Variants in SEPTIN9 observed in about 807,000 individuals in gnomAD.
SEPTIN9 encodes septin 9, also known as septin-9.
In SEPTIN9, 13 loss-of-function variants were observed where a neutral mutation model predicts 56.6. The ratio of observed to expected loss-of-function variants is 0.23; its 90% CI spans 0.15 to 0.37. SEPTIN9 has a LOEUF of 0.37. SEPTIN9 is among the 10% of genes least tolerant of loss of function. The pLI, the probability that SEPTIN9 is intolerant of heterozygous loss-of-function variation, is 1.00. For missense variants in SEPTIN9, 650 were observed against 823.1 expected, an observed-to-expected ratio of 0.79 and a Z score of 2.57; for synonymous variants, 332 against 334.1, an observed-to-expected ratio of 0.99 and a Z score of 0.07.
At chr17:77,407,011 A>C (rs1360465396) in intron 3 of SEPTIN9, among the ~76,000 whole-genome samples, 1 of 151,636 alleles carries the variant, frequency 6.6e-6, no homozygotes, top group Non-Finnish European at 1.5e-5. Flanking sequence ...GGCCAGGTGC[A>C]GTGGCTCATG....
rs1027565294 is a variant in SEPTIN9 at position 77,499,316 on chromosome 17, G to A, written c.*658G>A. 2 of 596,626 alleles carry A rather than the reference G, an allele frequency of 3.4e-6. No homozygotes were observed. The highest frequency in any genetic ancestry group is 3.2e-6 in the Non-Finnish European group (1 of 308,578). 37.0% of individuals were successfully genotyped at this position (596,626 alleles called of 1,614,324 possible). ...TATCTCAGCCATCCGCAGACTGCTT[G>A]GCCAGATGCGGGGACAGGCTGGAAT... is the stretch of plus-strand genomic sequence containing the variant. On this transcript the variant is annotated 3_prime_UTR_variant, in exon 12 of 12. Coordinates refer to ENST00000427177, the MANE Select transcript of SEPTIN9 (RefSeq NM_001113491.2).
intron 2 of SEPTIN9, among the ~76,000 whole-genome samples, chr17:77,321,231 G>A (rs963135474): frequency 2.6e-5 from 4 of 152,126 alleles, no homozygotes; most frequent in Non-Finnish European, 5.9e-5. Context: ...GCCATGGAGC[G>A]GGAGGTCGCT....
chr17:77,383,185 T>TCC (rs2035209136), intron 2 of SEPTIN9, among the ~76,000 whole-genome samples: 1 of 9,588 alleles, frequency 1.0e-4, no homozygotes, highest in Non-Finnish European at 5.0e-4. Context: ...TCCCTCCTTC[T>TCC]CTCCCTCCCT....
At chr17:77,302,217 C>T (rs1235676991) in intron 1 of SEPTIN9, among the ~76,000 whole-genome samples, 2 of 152,190 alleles carry the variant, frequency 1.3e-5, no homozygotes, top group Non-Finnish European at 2.9e-5. Context: ...CCTGTAATCC[C>T]AGCGTGAGGC....
At chr17:77,304,330 T>C (rs765970183) in intron 1 of SEPTIN9, among the ~76,000 whole-genome samples, 1 of 152,206 alleles carries the variant, frequency 6.6e-6, no homozygotes, top group Non-Finnish European at 1.5e-5. Context: ...ATGCCCATTT[T>C]AGGAAATCAG....
Position 77,466,850 on chromosome 17 carries a change from G to A in SEPTIN9, c.722-15294G>A, listed in dbSNP as rs375384041. ...AGATGCGATCGAGTAAATGTGAGCC[G>A]TCTGTAAACTGTAGAGTGCACGCAC... On this transcript the variant is annotated intron_variant, in intron 3 of 11. Transcript: ENST00000427177. 5.3e-5 allele frequency among the ~76,000 whole-genome samples: 8 copies of A among 152,288 alleles called. No homozygotes were observed. In the South Asian group the frequency reaches 6.2e-4, roughly 12 times the overall value.
In SEPTIN9 at chr17:77,499,617, G is replaced by T. The variant is rs911601031; in HGVS notation, c.*959G>T. 2 of 434,166 alleles carry T rather than the reference G, an allele frequency of 4.6e-6. No individual in the cohort carries two copies. The highest frequency in any genetic ancestry group is 7.0e-5 in the Admixed American group (2 of 28,510). The allele number at this position is 434,166 out of a possible 1,614,324, so 26.9% of individuals were successfully genotyped here. The stretch of plus-strand genomic sequence containing the variant: ...GTCAGAGTGGCGTGAGCTGCCCGGC[G>T]CCTGCCCTGCCCAAGTGACCAGGGA... On this transcript the variant is annotated 3_prime_UTR_variant, in exon 12 of 12. Coordinates refer to ENST00000427177, the MANE Select transcript of SEPTIN9 (RefSeq NM_001113491.2).
rs892024330 is a variant in SEPTIN9, at chr17:77,451,975, G to T, written c.722-30169G>T. Reference sequence around the variant, plus strand: ...CACCCCTCTGGGCTCCCGAAGACCGGCTGGCTGGAGGCTGGAGATAGTCTC... The same window carrying T: ...CACCCCTCTGGGCTCCCGAAGACCGTCTGGCTGGAGGCTGGAGATAGTCTC... On this transcript the variant is annotated intron_variant, in intron 3 of 11. Coordinates refer to ENST00000427177, the MANE Select transcript of SEPTIN9 (RefSeq NM_001113491.2). This position sits in a 1 kb window ranked among gnomAD's most constrained non-coding sequence, Gnocchi z 4.2. Among the ~76,000 whole-genome samples the T allele has an allele frequency of 1.3e-5, 2 of 152,212 alleles. No homozygotes were observed. The highest frequency in any genetic ancestry group is 4.8e-5 in the African/African-American group (2 of 41,446).
At chr17:77,397,909 G>T (rs938939920) in intron 2 of SEPTIN9, among the ~76,000 whole-genome samples, 2 of 152,076 alleles carry the variant, frequency 1.3e-5, no homozygotes, top group African/African-American at 2.4e-5. Flanking sequence ...CCTTGGGCCT[G>T]CCTTGGCCTC....
At position 77,445,569 on chromosome 17, in the gene SEPTIN9, C is replaced by T. The variant is rs1173306784; in HGVS notation, c.722-36575C>T. 1 of 378,886 alleles carries T rather than the reference C, an allele frequency of 2.6e-6. No individual in the cohort carries two copies. The highest frequency in any genetic ancestry group is 2.1e-5 in the African/African-American group (1 of 47,172). The allele number at this position is 378,886 out of a possible 1,614,324, so 23.5% of individuals were successfully genotyped here. On this transcript the variant is annotated intron_variant, in intron 3 of 11. Coordinates refer to ENST00000427177, the MANE Select transcript of SEPTIN9 (RefSeq NM_001113491.2). The surrounding 1 kb of genome is among the most constrained non-coding windows in gnomAD (Gnocchi z 4.7). ...GCGTGCTGGGTGGGTAGGGAGGAAGCTGTGAAACCACATCCCCTCCTCTCT... is the reference window on the plus strand; with the variant it reads ...GCGTGCTGGGTGGGTAGGGAGGAAGTTGTGAAACCACATCCCCTCCTCTCT...
At position 77,383,454 on chromosome 17, in the gene SEPTIN9, G is replaced by A. The variant is rs563597770; in HGVS notation, c.77-18605G>A. ...AGGCCGGCCCGGGTCCTCCCAGTCC[G>A]CACCTGCATCCATCCATCACTCCCC... On this transcript the variant is annotated intron_variant, in intron 2 of 11. Transcript: ENST00000427177. Among the ~76,000 whole-genome samples, 4 of 149,224 alleles carry A rather than the reference G, an allele frequency of 2.7e-5. No individual in the cohort carries two copies. In the East Asian group the frequency reaches 6.2e-4, roughly 23 times the overall value.
intron 3 of SEPTIN9, among the ~76,000 whole-genome samples, chr17:77,477,565 C>CTACTCCA (rs1377963264): frequency 6.6e-6 from 1 of 152,144 alleles, no homozygotes; most frequent in Non-Finnish European, 1.5e-5. Flanking sequence ...TTTCTGGAGC[C>CTACTCCA]GGGTGTGTTG....
At chr17:77,398,571 T>G (rs890212395) in intron 2 of SEPTIN9, among the ~76,000 whole-genome samples, 6 of 152,208 alleles carry the variant, frequency 3.9e-5, no homozygotes, top group Non-Finnish European at 4.4e-5. Flanking sequence ...TTCATTTAGG[T>G]GTCACCTTCT....
In SEPTIN9 at chr17:77,329,292, A is replaced by T. The variant is rs953106063; in HGVS notation, c.76+22095A>T. The stretch of plus-strand genomic sequence containing the variant: ...TTAGAGAGGAAGTTGGAGAGGGAGG[A>T]TCTCTTTGATTGCTGGATGGACCCA... On this transcript the variant is annotated intron_variant, in intron 2 of 11. Coordinates refer to ENST00000427177, the MANE Select transcript of SEPTIN9 (RefSeq NM_001113491.2). The surrounding 1 kb of genome is among the most constrained non-coding windows in gnomAD (Gnocchi z 4.3). Among the ~76,000 whole-genome samples the T allele has an allele frequency of 6.6e-6, 1 of 151,828 alleles. No homozygotes were observed. Among genetic ancestry groups the T allele is most frequent in the Admixed American group, 6.6e-5 (1 of 15,254 alleles).
Position 77,381,297 on chromosome 17 carries a change from C to G in SEPTIN9, c.77-20762C>G, listed in dbSNP as rs184519180. 5.4e-4 allele frequency among the ~76,000 whole-genome samples: 83 copies of G among 152,364 alleles called. 1 individual carries two copies. The highest frequency in any genetic ancestry group is 1.9e-3 in the African/African-American group (77 of 41,594). On this transcript the variant is annotated intron_variant, in intron 2 of 11. Coordinates refer to ENST00000427177, the MANE Select transcript of SEPTIN9 (RefSeq NM_001113491.2). ...TGGACAGAGCCACCTAGCCTCTCCC[C>G]TCCCCCAGGCAGGGCCCTGAAAGAT...
At chr17:77,321,164 A>G (rs1258936252) in intron 2 of SEPTIN9, among the ~76,000 whole-genome samples, 1 of 152,136 alleles carries the variant, frequency 6.6e-6, no homozygotes, top group Non-Finnish European at 1.5e-5. Flanking sequence ...CAGCGCTGGG[A>G]GACATGGGGT....
rs1381067215 is a variant in SEPTIN9, at chr17:77,445,315, G to A, written c.722-36829G>A. Reference sequence around the variant, plus strand: ...CCCCCATGCAGAAGCGCGGCCGCCAGCTCACAAAGGATAGGGAGGGATATT... The same window carrying A: ...CCCCCATGCAGAAGCGCGGCCGCCAACTCACAAAGGATAGGGAGGGATATT... On this transcript the variant is annotated intron_variant, in intron 3 of 11. Transcript: ENST00000427177. This position sits in a 1 kb window ranked among gnomAD's most constrained non-coding sequence, Gnocchi z 4.7. 2 of 465,272 alleles carry A rather than the reference G, an allele frequency of 4.3e-6. No individual in the cohort carries two copies. The highest frequency in any genetic ancestry group is 4.0e-5 in the African/African-American group (2 of 50,104). The allele number at this position is 465,272 out of a possible 1,614,324, so 28.8% of individuals were successfully genotyped here. A position where few individuals can be genotyped will look rare whatever the true frequency, so the allele number is the denominator to read the frequency against.
intron 2 of SEPTIN9, among the ~76,000 whole-genome samples, chr17:77,315,154 G>C (rs1267169322): frequency 6.6e-6 from 1 of 152,182 alleles, no homozygotes; most frequent in Non-Finnish European, 1.5e-5. Flanking sequence ...GTGAGGGCCG[G>C]GCCGTGTTCT....
intron 2 of SEPTIN9, among the ~76,000 whole-genome samples, chr17:77,314,415 C>G (rs991676416): frequency 6.8e-6 from 1 of 147,262 alleles, no homozygotes. Context: ...AACTCTTGGC[C>G]TCAAGTGATC....
Sources: allele counts gnomAD v4.1 joint callset (sites outside exome capture counted in the v4.1 genomes callset), GRCh38; gene constraint gnomAD v4.1.1; non-coding constraint Gnocchi (gnomAD v3.1); transcripts MANE v1.5; gene names NCBI Gene and HGNC (gene_info 2026-07-23, HGNC 2026-07-21).